Variants in EYS observed in about 807,000 individuals in gnomAD.
EYS encodes the protein EGF-like photoreceptor maintenance factor.
In EYS, 250 loss-of-function variants were observed where a neutral mutation model predicts 282.1. The observed-to-expected ratio is 0.89, with a 90% CI of 0.80 to 0.98. The LOEUF is 0.98. Ranked by LOEUF, EYS falls within the 50% of genes least tolerant of loss-of-function variation. The pLI, the probability that EYS is intolerant of heterozygous loss-of-function variation, is 0.00. For missense variants in EYS, 4,016 were observed against 3,709.0 expected (o/e 1.08, Z -2.15); for synonymous variants, 1,355 against 1,282.9 (o/e 1.06, Z -1.20).
rs182074222 is a variant in EYS at position 64,943,734 on chromosome 6, C to T, written c.2381+2059G>A. Among the ~76,000 whole-genome samples, 22 of 152,136 alleles carry T rather than the reference C, an allele frequency of 1.4e-4. 1 individual carries two copies. The highest frequency in any genetic ancestry group is 4.6e-4 in the African/African-American group (19 of 41,538). ...GACACAAACAAATGAAAAAATACCC[C>T]GTGTTCATGGCTTGGAAGAATCCAT... On this transcript the variant is annotated intron_variant, in intron 15 of 42. Transcript: ENST00000503581.
At chr6:64,749,993 G>A (rs2149968586) in intron 22 of EYS, among the ~76,000 whole-genome samples, 1 of 151,910 alleles carries the variant, frequency 6.6e-6, no homozygotes, top group Middle Eastern at 3.4e-3. Flanking sequence ...TAGATTATTA[G>A]AGTTGTGTTT....
Position 63,964,921 on chromosome 6 carries a change from GT to G in EYS, c.7055+19461del, listed in dbSNP as rs369664431. 3.9e-3 allele frequency among the ~76,000 whole-genome samples: 588 copies of G among 152,278 alleles called. 4 individuals carry two copies. Among genetic ancestry groups the G allele is most frequent in the African/African-American group, 0.013 (548 of 41,566 alleles). On this transcript the variant is annotated intron_variant, in intron 35 of 42. Coordinates refer to ENST00000503581, the MANE Select transcript of EYS (RefSeq NM_001142800.2). The stretch of plus-strand genomic sequence containing the variant: ...ATATTATGCCAACAGATACTGCCAG[GT>G]TTCTAAAATAAAAACAATCTTCACC...
intron 12 of EYS, among the ~76,000 whole-genome samples, chr6:65,274,915 AG>A: frequency 6.6e-6 from 1 of 151,434 alleles, no homozygotes; most frequent in East Asian, 1.9e-4. Flanking sequence ...AAAAGGAGAG[AG>A]AGAGAGAGAG....
chr6:63,751,094 G>T (rs1769330425), intron 41 of EYS, among the ~76,000 whole-genome samples: 1 of 152,144 alleles, frequency 6.6e-6, no homozygotes, highest in African/African-American at 2.4e-5. Flanking sequence ...AAATCATCCT[G>T]TTCTTGGTGG....
At chr6:64,471,378 T>A (rs569079540) in intron 26 of EYS, among the ~76,000 whole-genome samples, 1 of 152,162 alleles carries the variant, frequency 6.6e-6, no homozygotes, top group African/African-American at 2.4e-5. Context: ...TAGAATTGAT[T>A]TAAAAAGTTC....
intron 1 of EYS, among the ~76,000 whole-genome samples, chr6:65,700,588 G>GT (rs1986013974): frequency 6.6e-6 from 1 of 151,956 alleles, no homozygotes. Context: ...CCTCTGGTGC[G>GT]TAATATTGAG....
chr6:65,581,192 C>A (rs1034613132), intron 2 of EYS, among the ~76,000 whole-genome samples: 9 of 151,928 alleles, frequency 5.9e-5, no homozygotes, highest in Admixed American at 2.0e-4. Flanking sequence ...ATTTCATGTA[C>A]TCGTCTTCAC....
rs555323283 is a variant in EYS, at chr6:65,427,512, A to G, written c.863-22145T>C. ...TTTTCAATAGCCTATTAATGTAATT[A>G]TAAACACATATTTTAAAAATAAATA... On this transcript the variant is annotated intron_variant, in intron 5 of 42. Coordinates refer to ENST00000503581, the MANE Select transcript of EYS (RefSeq NM_001142800.2). 5.4e-4 allele frequency among the ~76,000 whole-genome samples: 82 copies of G among 152,198 alleles called. 1 individual carries two copies. In the South Asian group the frequency reaches 0.016, roughly 30 times the overall value.
intron 22 of EYS, among the ~76,000 whole-genome samples, chr6:64,796,295 C>T (rs1774352529): frequency 6.6e-6 from 1 of 152,086 alleles, no homozygotes; most frequent in Non-Finnish European, 1.5e-5. Context: ...CTTTAAGAGA[C>T]TTACAGGTTT....
At chr6:64,412,213 T>A (rs2150444566) in intron 28 of EYS, among the ~76,000 whole-genome samples, 1 of 152,162 alleles carries the variant, frequency 6.6e-6, no homozygotes, top group East Asian at 1.9e-4. Flanking sequence ...ACAGAATATT[T>A]TATATTTGTT....
intron 5 of EYS, among the ~76,000 whole-genome samples, chr6:65,407,590 A>G (rs1766806394): frequency 6.6e-6 from 1 of 152,006 alleles, no homozygotes; most frequent in African/African-American, 2.4e-5. Flanking sequence ...AAGGCAAATT[A>G]CTTGTATATG....
chr6:64,790,826 C>T (rs537835033), intron 22 of EYS, among the ~76,000 whole-genome samples: 21 of 151,792 alleles, frequency 1.4e-4, no homozygotes, highest in African/African-American at 4.8e-4. Context: ...GGTACATTAT[C>T]CAGAAGCATT....
chr6:64,021,926 T>C (rs1769211691), intron 33 of EYS, among the ~76,000 whole-genome samples: 1 of 152,258 alleles, frequency 6.6e-6, no homozygotes, highest in Non-Finnish European at 1.5e-5. Flanking sequence ...TCTATCATGA[T>C]ACAAAGCGTT....
At chr6:64,420,371 C>T (rs1337677127) in intron 28 of EYS, among the ~76,000 whole-genome samples, 1 of 152,158 alleles carries the variant, frequency 6.6e-6, no homozygotes, top group Non-Finnish European at 1.5e-5. Flanking sequence ...CTGTGAAGGT[C>T]TCTGACATGC....
intron 9 of EYS, among the ~76,000 whole-genome samples, chr6:65,352,422 T>G (rs1346099653): frequency 6.6e-6 from 1 of 151,868 alleles, no homozygotes; most frequent in Non-Finnish European, 1.5e-5. Flanking sequence ...AAATCAAATT[T>G]GCATCAGCTA....
intron 12 of EYS, among the ~76,000 whole-genome samples, chr6:65,107,494 C>CA (rs34974963): frequency 0.29 from 43,158 of 151,240 alleles, 7,424 homozygotes; most frequent in African/African-American, 0.48. Context: ...CAAATGGCTG[C>CA]GATCTAACTT....
At chr6:65,601,933 T>C (rs188687482) in intron 2 of EYS, among the ~76,000 whole-genome samples, 68 of 152,084 alleles carry the variant, frequency 4.5e-4, no homozygotes, top group African/African-American at 1.6e-3. Flanking sequence ...TATTTTGCTT[T>C]CATAGTGGGC....
chr6:63,934,043 A>C (rs548377246), intron 35 of EYS, among the ~76,000 whole-genome samples: 10 of 152,348 alleles, frequency 6.6e-5, no homozygotes, highest in African/African-American at 1.9e-4. Flanking sequence ...CAATGAACTC[A>C]AACAAATTTA....
At chr6:65,256,291 A>ATACTTT (rs147434824) in intron 12 of EYS, among the ~76,000 whole-genome samples, 46,755 of 142,986 alleles carry the variant, frequency 0.33, 9,089 homozygotes, top group African/African-American at 0.54. Context: ...TTTTTTAATT[A>ATACTTT]AAGTTTTAGG....
Sources: allele counts gnomAD v4.1 joint callset (sites outside exome capture counted in the v4.1 genomes callset), GRCh38; gene constraint gnomAD v4.1.1; transcripts MANE v1.5; gene names NCBI Gene and HGNC (gene_info 2026-07-23, HGNC 2026-07-21).